FMN1: variants seen among roughly 807,000 people sequenced by gnomAD.
FMN1 encodes the protein formin-1.
FMN1 carries 110 observed loss-of-function variants against 132.4 expected under a neutral mutation model. The ratio of observed to expected loss-of-function variants is 0.83; its 90% CI spans 0.71 to 0.97. FMN1 has a LOEUF of 0.97. FMN1 is among the 50% of genes least tolerant of loss of function. The pLI is 0.00. For missense variants in FMN1, 1,792 were observed against 1,705.3 expected (o/e 1.05, Z -0.90); for synonymous variants, 722 against 651.7 (o/e 1.11, Z -1.64).
intron 17 of FMN1, among the ~76,000 whole-genome samples, chr15:32,807,386 A>G (rs1020023489): frequency 6.6e-6 from 1 of 152,228 alleles, no homozygotes; most frequent in Non-Finnish European, 1.5e-5. Context: ...TACTTAGCCA[A>G]TCAGATACTG....
At chr15:32,968,385 A>G (rs1253925961) in intron 8 of FMN1, among the ~76,000 whole-genome samples, 1 of 152,246 alleles carries the variant, frequency 6.6e-6, no homozygotes, top group Non-Finnish European at 1.5e-5. Context: ...TCAATTCTTT[A>G]TGATTACTAA....
rs140622643 is a variant in FMN1, at chr15:32,790,086, T to C, written c.4130+8718A>G. 3.3e-3 allele frequency among the ~76,000 whole-genome samples: 506 copies of C among 152,300 alleles called. 3 individuals are homozygous for C. Among genetic ancestry groups the C allele is most frequent in the African/African-American group, 0.011 (475 of 41,562 alleles). ...AATTAAGTGCTGCAAATTTATATTA[T>C]AGGAATGTGCAAATACACAAGAGAC... is the stretch of plus-strand genomic sequence containing the variant. On this transcript the variant is annotated intron_variant, in intron 19 of 20. Coordinates refer to ENST00000616417, the MANE Select transcript of FMN1 (RefSeq NM_001277313.2).
chr15:32,900,040 C>A lies in FMN1; in HGVS notation c.3593G>T (p.Arg1198Leu), dbSNP rs1567354250. The A allele has an allele frequency of 3.1e-6, 5 of 1,613,780 alleles. No homozygotes were observed. Among genetic ancestry groups the A allele is most frequent in the Non-Finnish European group, 4.2e-6 (5 of 1,179,850 alleles). ...GNYMNGGNRTRGQADGYSLEI... is the reference protein window; with the variant it reads ...GNYMNGGNRTLGQADGYSLEI... ...TAAGCTATATCCATCGGCTTGTCCC[C>A]GAGTCCTATTTCCTCCATTCATATA... Residue 1198 changes from arginine (R) to leucine (L), a missense_variant, in exon 14 of 21, where the codon CGG (arginine) becomes CTG (leucine). Transcript: ENST00000616417.
intron 17 of FMN1, among the ~76,000 whole-genome samples, chr15:32,855,498 A>G (rs1448376458): frequency 6.6e-6 from 1 of 152,250 alleles, no homozygotes; most frequent in African/African-American, 2.4e-5. Flanking sequence ...TTTCCAAGGT[A>G]CCAAAGAAGA....
chr15:32,962,365 G>A (rs1002348573), intron 9 of FMN1, among the ~76,000 whole-genome samples: 13 of 151,990 alleles, frequency 8.6e-5, no homozygotes, highest in African/African-American at 2.4e-4. Flanking sequence ...AGACTTAAAC[G>A]TTAGACCTAA....
chr15:33,087,537 C>T (rs2141352843), intron 5 of FMN1, among the ~76,000 whole-genome samples: 1 of 152,262 alleles, frequency 6.6e-6, no homozygotes, highest in Admixed American at 6.5e-5. Flanking sequence ...CAGAGCAAGA[C>T]TCCATCTCAA....
intron 19 of FMN1, among the ~76,000 whole-genome samples, chr15:32,780,698 T>C (rs904707890): frequency 2.0e-5 from 3 of 152,130 alleles, no homozygotes; most frequent in Non-Finnish European, 4.4e-5. Flanking sequence ...CTGTAACATC[T>C]TTCTGGCAAC....
chr15:33,128,796 A>G (rs1466300063), intron 4 of FMN1, among the ~76,000 whole-genome samples: 2 of 152,272 alleles, frequency 1.3e-5, no homozygotes, highest in Non-Finnish European at 2.9e-5. Flanking sequence ...AGCAGCAGCA[A>G]GATTTACTGT....
chr15:33,107,543 G>A (rs994608978), intron 4 of FMN1, among the ~76,000 whole-genome samples: 8 of 151,988 alleles, frequency 5.3e-5, no homozygotes, highest in African/African-American at 1.9e-4. Flanking sequence ...TTGCTGTTTT[G>A]TAATGACACC....
At chr15:32,841,939 CGA>C (rs1377854176) in intron 17 of FMN1, among the ~76,000 whole-genome samples, 1 of 152,180 alleles carries the variant, frequency 6.6e-6, no homozygotes, top group Non-Finnish European at 1.5e-5. Context: ...GTCCAGATAT[CGA>C]GAGACACAAA....
At chr15:33,038,580 T>C (rs1169106155) in intron 6 of FMN1, among the ~76,000 whole-genome samples, 2 of 152,260 alleles carry the variant, frequency 1.3e-5, no homozygotes, top group Non-Finnish European at 2.9e-5. Flanking sequence ...GACTGAGTTA[T>C]AATTTTTATT....
At chr15:32,991,015 C>T (rs2033401806) in intron 7 of FMN1, among the ~76,000 whole-genome samples, 1 of 152,108 alleles carries the variant, frequency 6.6e-6, no homozygotes, top group African/African-American at 2.4e-5. Context: ...CAAACCATAG[C>T]AGCAACCAAA....
intron 7 of FMN1, among the ~76,000 whole-genome samples, chr15:32,995,798 T>G (rs2033732992): frequency 6.6e-6 from 1 of 152,186 alleles, no homozygotes; most frequent in East Asian, 1.9e-4. Context: ...GTTCCCCAGA[T>G]CTGTGTTTTA....
chr15:33,154,065 G>A lies in FMN1; in HGVS notation c.850C>T (p.Pro284Ser), dbSNP rs989106493. 26 of 1,535,896 alleles carry A rather than the reference G, an allele frequency of 1.7e-5. No individual in the cohort carries two copies. Among genetic ancestry groups the A allele is most frequent in the Non-Finnish European group, 1.8e-5 (21 of 1,146,812 alleles). Residue 284 changes from proline (P) to serine (S), a missense_variant, in exon 4 of 21, where the codon CCG (proline) becomes TCG (serine). Coordinates refer to ENST00000616417, the MANE Select transcript of FMN1 (RefSeq NM_001277313.2). The part of the protein sequence containing the change: ...TEAGGDGIRR[P>S]PSGLEHQQTG... ...TGCTGATGCTCCAGCCCGCTCGGCG[G>A]CCTCCGAATGCCATCCCCTCCTGCC...
intron 5 of FMN1, chr15:33,067,368 A>G (rs1262089225): frequency 6.2e-7 from 1 of 1,613,806 alleles, no homozygotes; most frequent in Non-Finnish European, 8.5e-7. Flanking sequence ...GGCTCAGATA[A>G]AACACCACTA....
At chr15:32,821,768 C>T (rs2058224544) in intron 17 of FMN1, among the ~76,000 whole-genome samples, 2 of 152,018 alleles carry the variant, frequency 1.3e-5, no homozygotes, top group African/African-American at 4.8e-5. Context: ...AATCTTAACA[C>T]CCATTATACC....
chr15:32,838,041 G>A (rs144410517), intron 17 of FMN1, among the ~76,000 whole-genome samples: 4 of 152,198 alleles, frequency 2.6e-5, no homozygotes, highest in Admixed American at 6.5e-5. Context: ...TGGAGGGCTC[G>A]GGGAGCAATG....
intron 6 of FMN1, chr15:33,064,635 G>T (rs2037634200): frequency 1.0e-5 from 2 of 199,052 alleles, no homozygotes; most frequent in South Asian, 2.1e-4. Context: ...AACACTGCCA[G>T]CTCACAAAAT....
At chr15:32,837,701 G>T (rs1168859465) in intron 17 of FMN1, among the ~76,000 whole-genome samples, 1 of 152,224 alleles carries the variant, frequency 6.6e-6, no homozygotes, top group Non-Finnish European at 1.5e-5. Flanking sequence ...GGTGGAGTAA[G>T]ATTTTGCGTC....
Sources: allele counts gnomAD v4.1 joint callset (sites outside exome capture counted in the v4.1 genomes callset), GRCh38; gene constraint gnomAD v4.1.1; transcripts MANE v1.5; gene names NCBI Gene and HGNC (gene_info 2026-07-23, HGNC 2026-07-21).